Variants in CNTN3 observed in about 807,000 individuals in gnomAD.
CNTN3 encodes the protein contactin 3.
Under a neutral mutation model 119.1 loss-of-function variants are expected in CNTN3, and 60 were observed. The ratio of observed to expected loss-of-function variants is 0.50; its 90% confidence interval spans 0.41 to 0.62. CNTN3 has a LOEUF of 0.62. Among genes scored for constraint, CNTN3 ranks in the 20% least tolerant of loss-of-function variants. The pLI, the probability that CNTN3 is intolerant of heterozygous loss-of-function variation, is 0.00. For missense variants in CNTN3, 1,101 were observed against 1,242.4 expected, an observed-to-expected ratio of 0.89 and a Z score of 1.71; for synonymous variants, 450 against 438.7, an observed-to-expected ratio of 1.03 and a Z score of -0.32.
intron 4 of CNTN3, among the ~76,000 whole-genome samples, chr3:74,453,152 C>T (rs1027390882): frequency 2.6e-5 from 4 of 151,894 alleles, no homozygotes; most frequent in African/African-American, 9.7e-5. Flanking sequence ...GTCCTGGACT[C>T]TTTTTGGTTG....
chr3:74,302,953 A>C (rs2106820531), intron 13 of CNTN3, 146 bp from the exon 14 acceptor site: 1 of 535,882 alleles, frequency 1.9e-6, no homozygotes, highest in African/African-American at 1.9e-5. Context: ...AGATTGCTAC[A>C]ATGGAATGTA....
intron 13 of CNTN3, among the ~76,000 whole-genome samples, chr3:74,319,054 T>A (rs1249013709): frequency 6.6e-6 from 1 of 152,082 alleles, no homozygotes; most frequent in Non-Finnish European, 1.5e-5. Flanking sequence ...TGCTCATGGG[T>A]AGGAAGAATC....
intron 4 of CNTN3, among the ~76,000 whole-genome samples, chr3:74,447,687 T>C (rs939225968): frequency 4.6e-5 from 7 of 152,130 alleles, no homozygotes; most frequent in Non-Finnish European, 7.3e-5. Flanking sequence ...TATTTTCAAG[T>C]TTAAGATTTA....
chr3:74,363,598 A>G (rs192693596), intron 10 of CNTN3, among the ~76,000 whole-genome samples: 28 of 152,272 alleles, frequency 1.8e-4, no homozygotes, highest in Admixed American at 1.1e-3. Flanking sequence ...AACCCAAATC[A>G]GGCTATATGG....
chr3:74,329,434 A>G (rs1185231604), intron 13 of CNTN3, among the ~76,000 whole-genome samples: 2 of 152,160 alleles, frequency 1.3e-5, no homozygotes, highest in Non-Finnish European at 2.9e-5. Context: ...TTCTAAAGTA[A>G]CTGCACCACA....
At chr3:74,331,085 TC>T (rs1166213539) in intron 13 of CNTN3, among the ~76,000 whole-genome samples, 11 of 152,156 alleles carry the variant, frequency 7.2e-5, no homozygotes, top group Admixed American at 2.0e-4. Context: ...GTACAGTGTT[TC>T]TAATGTTTTC....
chr3:74,514,140 C>T (rs113995674), intron 2 of CNTN3, among the ~76,000 whole-genome samples: 6 of 151,940 alleles, frequency 3.9e-5, no homozygotes, highest in African/African-American at 1.2e-4. Flanking sequence ...CAGCCTTAAC[C>T]GTCTAACATG....
At chr3:74,331,542 C>T (rs1703265329) in intron 13 of CNTN3, among the ~76,000 whole-genome samples, 2 of 152,168 alleles carry the variant, frequency 1.3e-5, no homozygotes, top group Admixed American at 6.5e-5. Flanking sequence ...CAAAAAATTA[C>T]GTGACTCACT....
At chr3:74,376,245 CA>C (rs1282943019) in intron 5 of CNTN3, among the ~76,000 whole-genome samples, 3 of 152,138 alleles carry the variant, frequency 2.0e-5, no homozygotes, top group Non-Finnish European at 4.4e-5. Context: ...CAGGGGTGCC[CA>C]ATCCCCCTGG....
At chr3:74,482,747 G>A (rs1702784364) in intron 4 of CNTN3, among the ~76,000 whole-genome samples, 1 of 152,112 alleles carries the variant, frequency 6.6e-6, no homozygotes, top group South Asian at 2.1e-4. Context: ...TTCAATGACA[G>A]CACTTGAACA....
chr3:74,286,299 C>A (rs1322059587), intron 19 of CNTN3, among the ~76,000 whole-genome samples: 2 of 151,988 alleles, frequency 1.3e-5, no homozygotes, highest in African/African-American at 2.4e-5. Flanking sequence ...GGAAGATGAG[C>A]TGGAATACGC....
At chr3:74,376,698 C>T (rs1704482772) in intron 5 of CNTN3, among the ~76,000 whole-genome samples, 1 of 152,084 alleles carries the variant, frequency 6.6e-6, no homozygotes, top group South Asian at 2.1e-4. Context: ...CCCTGACACC[C>T]ACCCCAGTCC....
chr3:74,541,718 TTA>T (rs1283993820), intron 1 of CNTN3, among the ~76,000 whole-genome samples: 1 of 152,184 alleles, frequency 6.6e-6, no homozygotes, highest in Non-Finnish European at 1.5e-5. Context: ...TCATGAGAGT[TTA>T]TTTTATTGTT....
At chr3:74,316,123 A>C (rs937113309) in intron 13 of CNTN3, among the ~76,000 whole-genome samples, 2 of 152,184 alleles carry the variant, frequency 1.3e-5, no homozygotes, top group Non-Finnish European at 2.9e-5. Flanking sequence ...CAGAATCTAT[A>C]AGGAACTTAA....
intron 4 of CNTN3, among the ~76,000 whole-genome samples, chr3:74,455,372 C>T (rs1702247968): frequency 6.6e-6 from 1 of 151,962 alleles, no homozygotes; most frequent in African/African-American, 2.4e-5. Context: ...TTAAGCACTT[C>T]TCTGTATTGG....
At chr3:74,309,869 C>T (rs1218895579) in intron 13 of CNTN3, among the ~76,000 whole-genome samples, 1 of 152,184 alleles carries the variant, frequency 6.6e-6, no homozygotes, top group African/African-American at 2.4e-5. Flanking sequence ...GAAACAGACA[C>T]TATGTGTCAA....
At chr3:74,482,840 C>G (rs1217844680) in intron 4 of CNTN3, among the ~76,000 whole-genome samples, 1 of 152,126 alleles carries the variant, frequency 6.6e-6, no homozygotes, top group Non-Finnish European at 1.5e-5. Flanking sequence ...ATTCTAATCC[C>G]TTCTTTCAGT....
intron 2 of CNTN3, among the ~76,000 whole-genome samples, chr3:74,506,736 T>TG (rs1703267293): frequency 1.2e-4 from 5 of 40,424 alleles, no homozygotes; most frequent in Non-Finnish European, 3.3e-4. Context: ...TCCATTTATC[T>TG]GAAAAAAAAA....
chr3:74,415,773 G>T (rs1264941860), intron 5 of CNTN3, among the ~76,000 whole-genome samples: 1 of 152,152 alleles, frequency 6.6e-6, no homozygotes, highest in African/African-American at 2.4e-5. Context: ...TCTTGTTTCT[G>T]TCGGGCTACA....
Sources: gnomAD v4.1 joint callset for allele counts (sites outside exome capture counted in the v4.1 genomes callset) on GRCh38, gnomAD v4.1.1 for gene constraint, MANE v1.5 for transcripts, NCBI Gene and HGNC (gene_info 2026-07-23, HGNC 2026-07-21) for gene names.